The following TRPC5 variants were observed in gnomAD, a reference collection of about 807,000 sequenced individuals.
TRPC5 encodes short transient receptor potential channel 5.
Under a neutral mutation model 56.5 loss-of-function variants are expected in TRPC5, and 9 were observed. The observed-to-expected ratio is 0.16, with a 90% CI of 0.10 to 0.28. TRPC5 has a LOEUF of 0.28. Ranked by LOEUF, TRPC5 falls within the 10% of genes least tolerant of loss-of-function variation. TRPC5 has a pLI of 1.00. For synonymous variants in TRPC5, 282 were observed against 278.5 expected (o/e 1.01, Z -0.13); for missense variants, 469 against 748.9 (o/e 0.63, Z 4.36).
intron 1 of TRPC5, among the ~76,000 whole-genome samples, chrX:111,988,765 G>A (rs1603132560): frequency 9.0e-6 from 1 of 110,989 alleles, no homozygotes. Context: ...CTTGCTCATG[G>A]TACATATTTT....
intron 1 of TRPC5, among the ~76,000 whole-genome samples, chrX:111,976,085 T>A (rs952089754): frequency 9.0e-6 from 1 of 111,329 alleles, no homozygotes; most frequent in African/African-American, 3.3e-5. Flanking sequence ...TACAGAAAAA[T>A]TTTTTTATGA....
chrX:111,893,855 G>A (rs1324819053), intron 3 of TRPC5, among the ~76,000 whole-genome samples: 1 of 111,835 alleles, frequency 8.9e-6, no homozygotes, highest in African/African-American at 3.3e-5. Context: ...TTCAAAAAGA[G>A]TTTAAAGTGT....
intron 6 of TRPC5, among the ~76,000 whole-genome samples, chrX:111,835,857 A>G (rs953973641): frequency 8.9e-6 from 1 of 112,124 alleles, no homozygotes; most frequent in Non-Finnish European, 1.9e-5. Context: ...AGGATTCTCA[A>G]ATTAACACTT....
chrX:111,776,830 C>T lies in TRPC5; in HGVS notation c.2405G>A (p.Gly802Asp). ...CCCATGGCAAGTCTTTTTCTTGCAG[C>T]CTAAATTAAAAGAGACACTCTTGGA... ...AKSKSVSFNL[G>D]CKKKTCHGPP... Residue 802 changes from glycine to aspartate, a missense_variant, in exon 11 of 11, where the codon GGC (glycine) becomes GAC (aspartate). Coordinates refer to ENST00000262839, the MANE Select transcript of TRPC5 (RefSeq NM_012471.3). 2 of 1,210,988 alleles carry T rather than the reference C, an allele frequency of 1.7e-6. No individual in the cohort carries two copies. Among genetic ancestry groups the T allele is most frequent in the Non-Finnish European group, 1.1e-6 (1 of 895,275 alleles).
At chrX:111,830,230 G>T (rs760481375) in intron 7 of TRPC5, among the ~76,000 whole-genome samples, 1 of 112,316 alleles carries the variant, frequency 8.9e-6, no homozygotes, top group Non-Finnish European at 1.9e-5. Flanking sequence ...TTTGGAATGG[G>T]TGTATTTACC....
At chrX:111,919,344 G>A (rs1044336957) in intron 2 of TRPC5, among the ~76,000 whole-genome samples, 24 of 111,947 alleles carry the variant, frequency 2.1e-4, no homozygotes, top group African/African-American at 6.8e-4. Context: ...AGCCAGCAGC[G>A]GCAACCCGCT....
intron 1 of TRPC5, 119 bp from the exon 2 acceptor site, chrX:111,952,560 C>T (rs1005342942): frequency 2.0e-4 from 141 of 697,685 alleles, no homozygotes; most frequent in Admixed American, 1.7e-4. Flanking sequence ...TCAATGACGC[C>T]GTCTTTTTTC....
chrX:112,061,107 G>T (rs1355089298), intron 1 of TRPC5, among the ~76,000 whole-genome samples: 1 of 112,203 alleles, frequency 8.9e-6, no homozygotes, highest in Non-Finnish European at 1.9e-5. Context: ...CAGCTTATAG[G>T]CTATTGAAGC....
At chrX:111,930,447 A>G (rs1353402259) in intron 2 of TRPC5, among the ~76,000 whole-genome samples, 1 of 110,546 alleles carries the variant, frequency 9.0e-6, no homozygotes, top group Non-Finnish European at 1.9e-5. Context: ...TAATAATTAG[A>G]AAAATTAGCT....
chrX:112,047,756 G>A (rs919318756), intron 1 of TRPC5, among the ~76,000 whole-genome samples: 32 of 111,854 alleles, frequency 2.9e-4, no homozygotes, highest in Non-Finnish European at 3.6e-4. Context: ...GTTTGGTGCA[G>A]CCTTCCCTTC....
chrX:111,841,421 A>G (rs1361962628), intron 6 of TRPC5, among the ~76,000 whole-genome samples: 1 of 111,471 alleles, frequency 9.0e-6, no homozygotes, highest in East Asian at 2.8e-4. Flanking sequence ...CATCTATGCA[A>G]CTCGGGACAG....
intron 7 of TRPC5, among the ~76,000 whole-genome samples, chrX:111,792,410 C>T (rs1242673932): frequency 8.1e-5 from 9 of 111,319 alleles, no homozygotes. Flanking sequence ...CACCATGGCA[C>T]ATGTTTACCT....
intron 3 of TRPC5, among the ~76,000 whole-genome samples, chrX:111,911,426 T>C (rs147077667): frequency 0.042 from 4,667 of 112,366 alleles, 79 homozygotes; most frequent in Middle Eastern, 0.12. Flanking sequence ...GTGAGTTTCT[T>C]TAGGTCATAC....
intron 7 of TRPC5, among the ~76,000 whole-genome samples, chrX:111,787,968 G>A (rs1429416561): frequency 9.0e-6 from 1 of 111,711 alleles, no homozygotes; most frequent in East Asian, 2.8e-4. Flanking sequence ...ATTTACAGCC[G>A]AATTCTACCA....
In TRPC5 at chrX:111,912,526, C is replaced by A. The variant is rs754729916; in HGVS notation, c.665G>T (p.Arg222Leu). 2.5e-6 allele frequency: 3 copies of A among 1,209,577 alleles called. No homozygotes were observed. The highest frequency in any genetic ancestry group is 3.5e-5 in the African/African-American group (2 of 57,008). The stretch of plus-strand genomic sequence containing the variant: ...GAGCTCCTTGAGCTCCCAGCCCAGA[C>A]GGAAGGCAGTTAGGATGGGGTCCTC... ...SSEDPILTAF[R>L]LGWELKELSK... Residue 222 changes from arginine (R) to leucine (L), a missense_variant, in exon 3 of 11, where the codon CGT becomes CTT. Arg to Leu is a moderately radical substitution (Grantham distance 102). Around this residue, in one of 3 missense-constraint regions of TRPC5, gnomAD observed 157 missense variants for 360.0 expected, o/e 0.44. Coordinates refer to ENST00000262839, the MANE Select transcript of TRPC5 (RefSeq NM_012471.3).
rs190144022 is a variant in TRPC5, at chrX:111,958,573, A to G, written c.-21-6132T>C. ...AGCCCTGCTTTTGTTTGTGAGATTA[A>G]CCACATCCCCACGCAGTCATGGGCT... is the stretch of plus-strand genomic sequence containing the variant. On this transcript the variant is annotated intron_variant, in intron 1 of 10. Coordinates refer to ENST00000262839, the MANE Select transcript of TRPC5 (RefSeq NM_012471.3). 9.5e-4 allele frequency among the ~76,000 whole-genome samples: 107 copies of G among 112,255 alleles called. 1 individual carries two copies. Among genetic ancestry groups the G allele is most frequent in the African/African-American group, 3.3e-3 (103 of 30,929 alleles).
chrX:111,805,577 ATAAG>A (rs1259695755), intron 7 of TRPC5, among the ~76,000 whole-genome samples: 3 of 111,939 alleles, frequency 2.7e-5, no homozygotes, highest in Admixed American at 1.9e-4. Flanking sequence ...GAGACAGAAA[ATAAG>A]TAAGTGTGAT....
At chrX:111,793,845 C>G (rs1946040881) in intron 7 of TRPC5, among the ~76,000 whole-genome samples, 1 of 112,221 alleles carries the variant, frequency 8.9e-6, no homozygotes, top group African/African-American at 3.2e-5. Context: ...GTGGCACATT[C>G]ATACAATGAA....
At chrX:112,003,214 C>CA (rs1459818669) in intron 1 of TRPC5, among the ~76,000 whole-genome samples, 2 of 111,240 alleles carry the variant, frequency 1.8e-5, no homozygotes, top group African/African-American at 6.5e-5. Context: ...TCAAATAATT[C>CA]AAAAAACATT....
Sources: gnomAD v4.1 joint callset for allele counts (sites outside exome capture counted in the v4.1 genomes callset) on GRCh38, gnomAD v4.1.1 for gene constraint, gnomAD v4.1.1 regional missense constraint, MANE v1.5 for transcripts, NCBI Gene and HGNC (gene_info 2026-07-23, HGNC 2026-07-21) for gene names.